The following PPARGC1A variants were observed in gnomAD, a reference collection of about 807,000 sequenced individuals.
PPARGC1A encodes the protein peroxisome proliferator-activated receptor gamma coactivator 1-alpha.
A neutral mutation model predicts 88.7 loss-of-function variants in PPARGC1A; 25 were observed. The ratio of observed to expected loss-of-function variants is 0.28; its 90% CI spans 0.21 to 0.39. The LOEUF is 0.39. Ranked by LOEUF, PPARGC1A falls within the 10% of genes least tolerant of loss-of-function variation. PPARGC1A has a pLI of 1.00. For missense variants in PPARGC1A, 880 were observed against 968.7 expected, an observed-to-expected ratio of 0.91 and a Z score of 1.22; for synonymous variants, 363 against 355.6, an observed-to-expected ratio of 1.02 and a Z score of -0.24.
At chr4:24,101,871 T>C in the PPARGC1A span, among the ~76,000 whole-genome samples, 4 of 152,262 alleles carry the variant, frequency 2.6e-5, no homozygotes, top group South Asian at 8.3e-4. Context: ...TGCTAGGTAC[T>C]AACGATTGAG....
At chr4:23,840,454 G>A (rs1178206681) in intron 2 of PPARGC1A, among the ~76,000 whole-genome samples, 1 of 152,044 alleles carries the variant, frequency 6.6e-6, no homozygotes, top group Non-Finnish European at 1.5e-5. Flanking sequence ...CTTCCTAGAA[G>A]GTTCTTCTGC....
chr4:24,245,931 ACACAC>A, the PPARGC1A span, among the ~76,000 whole-genome samples: 1 of 103,038 alleles, frequency 9.7e-6, no homozygotes, highest in African/African-American at 3.5e-5. Flanking sequence ...ATGTGCACAC[ACACAC>A]ACACACACAC....
the PPARGC1A span, among the ~76,000 whole-genome samples, chr4:24,078,044 C>G: frequency 6.6e-6 from 1 of 151,990 alleles, no homozygotes; most frequent in African/African-American, 2.4e-5. Context: ...TCTCTTACCT[C>G]TAGAAATAAA....
Position 23,814,524 on chromosome 4 carries a change from C to A in PPARGC1A, c.959G>T (p.Cys320Phe), listed in dbSNP as rs1026980808. The change falls in exon 8 of 13, where the codon TGC (cysteine) becomes TTC (phenylalanine). Residue 320 changes from cysteine to phenylalanine, a missense_variant. By Grantham distance (205) the Cys-to-Phe change is radical. Coordinates refer to ENST00000264867, the MANE Select transcript of PPARGC1A (RefSeq NM_013261.5). ...TGATGGTGGTGGCACCACAGTCTTGCAAGAGGACTTCAGCTTTGGAGAAGC... is the reference window on the plus strand; with the variant it reads ...TGATGGTGGTGGCACCACAGTCTTGAAAGAGGACTTCAGCTTTGGAGAAGC... ...FRASPKLKSS[C>F]KTVVPPPSKK... The A allele has an allele frequency of 1.9e-6, 3 of 1,611,558 alleles. No individual in the cohort carries two copies. Among genetic ancestry groups the A allele is most frequent in the Non-Finnish European group, 1.7e-6 (2 of 1,179,694 alleles).
At chr4:24,394,107 C>T in the PPARGC1A span, among the ~76,000 whole-genome samples, 5 of 152,338 alleles carry the variant, frequency 3.3e-5, no homozygotes, top group South Asian at 6.2e-4. Context: ...CCTGCTTTCT[C>T]TTTGCTACAA....
the PPARGC1A span, among the ~76,000 whole-genome samples, chr4:24,097,142 G>A: frequency 1.3e-5 from 2 of 152,070 alleles, no homozygotes; most frequent in African/African-American, 2.4e-5. Context: ...TGTAAGAATC[G>A]AGCAACTAAA....
the PPARGC1A span, among the ~76,000 whole-genome samples, chr4:24,087,835 A>G: frequency 2.0e-5 from 3 of 152,218 alleles, no homozygotes; most frequent in Non-Finnish European, 4.4e-5. Flanking sequence ...TAGAAATTGC[A>G]TCTAGTTCAT....
the PPARGC1A span, among the ~76,000 whole-genome samples, chr4:24,391,123 T>TA: frequency 6.6e-6 from 1 of 152,140 alleles, no homozygotes; most frequent in Non-Finnish European, 1.5e-5. Context: ...TATTACTTTT[T>TA]AAAAATATGT....
At chr4:24,064,326 G>A in the PPARGC1A span, among the ~76,000 whole-genome samples, 13 of 152,202 alleles carry the variant, frequency 8.5e-5, no homozygotes, top group Admixed American at 7.2e-4. Flanking sequence ...ATGTCCAGAA[G>A]GTCTCTGGAG....
the PPARGC1A span, among the ~76,000 whole-genome samples, chr4:24,176,932 A>C: frequency 6.6e-6 from 1 of 152,206 alleles, no homozygotes; most frequent in African/African-American, 2.4e-5. Flanking sequence ...TGCTGTCTCA[A>C]CACCAGATGG....
chr4:24,363,052 T>A, the PPARGC1A span, among the ~76,000 whole-genome samples: 5 of 152,234 alleles, frequency 3.3e-5, no homozygotes, highest in Non-Finnish European at 5.9e-5. Context: ...ACTTCAGGCT[T>A]TTCTCAAACA....
At chr4:23,868,327 A>ACTATTGG (rs112570192) in intron 2 of PPARGC1A, among the ~76,000 whole-genome samples, 22,146 of 152,038 alleles carry the variant, frequency 0.15, 1,976 homozygotes, top group Non-Finnish European at 0.19. Flanking sequence ...TACTGCTGTC[A>ACTATTGG]CTATTGGCTC....
chr4:23,966,093 C>T, the PPARGC1A span, among the ~76,000 whole-genome samples: 1 of 152,156 alleles, frequency 6.6e-6, no homozygotes, highest in African/African-American at 2.4e-5. Flanking sequence ...GTATTGCTCG[C>T]ACACAATTTG....
the PPARGC1A span, among the ~76,000 whole-genome samples, chr4:23,935,436 T>C: frequency 1.3e-5 from 2 of 152,238 alleles, no homozygotes; most frequent in East Asian, 1.9e-4. Context: ...GGATTTCTGG[T>C]TCACAGGTAC....
At chr4:24,424,496 C>T in the PPARGC1A span, among the ~76,000 whole-genome samples, 1 of 151,912 alleles carries the variant, frequency 6.6e-6, no homozygotes, top group South Asian at 2.1e-4. Flanking sequence ...AGGATGGCCT[C>T]GATCTCCTGA....
the PPARGC1A span, among the ~76,000 whole-genome samples, chr4:24,218,434 A>G: frequency 0.034 from 5,131 of 152,340 alleles, 118 homozygotes; most frequent in Non-Finnish European, 0.046. Flanking sequence ...AAGGATACAG[A>G]GAAACTAGCA....
the PPARGC1A span, among the ~76,000 whole-genome samples, chr4:24,237,673 T>C: frequency 6.6e-6 from 1 of 152,228 alleles, no homozygotes; most frequent in Non-Finnish European, 1.5e-5. Flanking sequence ...CACTTCATGT[T>C]ACTATTTTCT....
chr4:24,440,992 C>A, the PPARGC1A span, among the ~76,000 whole-genome samples: 1 of 152,194 alleles, frequency 6.6e-6, no homozygotes, highest in Non-Finnish European at 1.5e-5. Flanking sequence ...CTGCTTCCCC[C>A]AGAAAAGCAT....
the PPARGC1A span, among the ~76,000 whole-genome samples, chr4:24,207,002 G>A: frequency 6.6e-6 from 1 of 151,650 alleles, no homozygotes; most frequent in Non-Finnish European, 1.5e-5. Context: ...TCTCTCAGTT[G>A]TTTACTTCCT....
Sources: allele counts gnomAD v4.1 joint callset (sites outside exome capture counted in the v4.1 genomes callset), GRCh38; gene constraint gnomAD v4.1.1; transcripts MANE v1.5; gene names NCBI Gene and HGNC (gene_info 2026-07-23, HGNC 2026-07-21).